The following RNF217 variants were observed in gnomAD, a reference collection of about 807,000 sequenced individuals.
RNF217 encodes the protein ring finger protein 217, also known as E3 ubiquitin-protein ligase RNF217.
In RNF217, 31 loss-of-function variants were observed where a neutral mutation model predicts 57.8. That is an observed-to-expected ratio of 0.54 (90% confidence interval 0.40 to 0.72). The LOEUF is 0.72. RNF217 is among the 30% of genes least tolerant of loss of function. RNF217 has a pLI of 0.00. For synonymous variants in RNF217, 313 were observed against 294.0 expected (o/e 1.06, Z -0.66); for missense variants, 696 against 708.3 (o/e 0.98, Z 0.20).
chr6:125,017,418 T>C (rs11154285), intron 1 of RNF217, among the ~76,000 whole-genome samples: 130,177 of 152,142 alleles, frequency 0.86, 57,696 homozygotes, highest in Non-Finnish European at 0.98. Flanking sequence ...CTGTTCCTTC[T>C]CCATCTTTGG....
Position 124,996,453 on chromosome 6 carries a change from T to A in RNF217, c.882+33027T>A, listed in dbSNP as rs963000058. 4.0e-4 allele frequency: 61 copies of A among 152,188 alleles called. 1 individual carries two copies. The highest frequency in any genetic ancestry group is 2.9e-5 in the Non-Finnish European group (2 of 68,036). The allele number at this position is 152,188 out of a possible 1,614,324, so 9.4% of individuals were successfully genotyped here. A position where few individuals can be genotyped will look rare whatever the true frequency, so the allele number is the denominator to read the frequency against. ...ACCCTCAATACTAATCTTTTGTTAG[T>A]TAAATGTGTGTTGTGGATATCTTCT... On this transcript the variant is annotated intron_variant, in intron 1 of 5. Coordinates refer to ENST00000521654, the MANE Select transcript of RNF217 (RefSeq NM_001286398.3).
At chr6:125,041,734 ATCTGTCTTGT>A (rs1257501667) in intron 1 of RNF217, among the ~76,000 whole-genome samples, 2 of 151,980 alleles carry the variant, frequency 1.3e-5, no homozygotes, top group Non-Finnish European at 2.9e-5. Context: ...ACAGGTTACA[ATCTGTCTTGT>A]TTATTTGCTT....
chr6:125,000,272 G>A (rs1784924883), intron 1 of RNF217, among the ~76,000 whole-genome samples: 1 of 151,854 alleles, frequency 6.6e-6, no homozygotes, highest in South Asian at 2.1e-4. Flanking sequence ...TCTGTTGAAT[G>A]GTATTATAAC....
chr6:125,037,496 A>G (rs1209617817), intron 1 of RNF217, among the ~76,000 whole-genome samples: 1 of 152,108 alleles, frequency 6.6e-6, no homozygotes, highest in Admixed American at 6.6e-5. Flanking sequence ...AGATTTCTGG[A>G]ATTTTTGGCT....
intron 1 of RNF217, 56 bp from the exon 2 acceptor site, chr6:125,045,153 AAT>A: frequency 8.7e-7 from 1 of 1,151,300 alleles, no homozygotes. Context: ...CAAAAAAAAA[AAT>A]GAAAGAAAAT....
At chr6:124,981,172 A>T (rs1458889792) in intron 1 of RNF217, among the ~76,000 whole-genome samples, 3 of 152,232 alleles carry the variant, frequency 2.0e-5, no homozygotes, top group Non-Finnish European at 4.4e-5. Context: ...TAAAGTAATT[A>T]AAAAATTTGA....
At chr6:125,034,773 T>C (rs2114487007) in intron 1 of RNF217, among the ~76,000 whole-genome samples, 1 of 152,238 alleles carries the variant, frequency 6.6e-6, no homozygotes, top group South Asian at 2.1e-4. Flanking sequence ...ACTGAATCTA[T>C]AAATTACCTT....
Position 125,091,863 on chromosome 6 carries a change from G to A in RNF217, c.*8926G>A, listed in dbSNP as rs1387737355. ...AGTGAGCTTTATCAACATCAACCCT[G>A]TTTATATAATATGTTATTTTGCTCT... On this transcript the variant is annotated 3_prime_UTR_variant, in exon 6 of 6. Coordinates refer to ENST00000521654, the MANE Select transcript of RNF217 (RefSeq NM_001286398.3). 1 of 152,002 alleles carries A rather than the reference G, an allele frequency of 6.6e-6. No homozygotes were observed. Among genetic ancestry groups the A allele is most frequent in the Non-Finnish European group, 1.5e-5 (1 of 67,982 alleles). 9.4% of individuals were successfully genotyped at this position (152,002 alleles called of 1,614,324 possible).
intron 3 of RNF217, among the ~76,000 whole-genome samples, chr6:125,074,270 TTAGG>T (rs1182587728): frequency 6.6e-6 from 1 of 151,518 alleles, no homozygotes; most frequent in East Asian, 1.9e-4. Flanking sequence ...AACTCTCCAG[TTAGG>T]TAGGTCGGTA....
At chr6:125,023,371 C>G (rs1785923190) in intron 1 of RNF217, among the ~76,000 whole-genome samples, 1 of 152,134 alleles carries the variant, frequency 6.6e-6, no homozygotes, top group African/African-American at 2.4e-5. Flanking sequence ...TTATCCTGAA[C>G]ACAAGGGCAT....
chr6:124,989,764 C>G (rs1784487779), intron 1 of RNF217, among the ~76,000 whole-genome samples: 1 of 151,764 alleles, frequency 6.6e-6, no homozygotes, highest in African/African-American at 2.4e-5. Flanking sequence ...AGATGTGGCC[C>G]ATGGACCAAA....
At chr6:125,006,885 G>T (rs1785201255) in intron 1 of RNF217, among the ~76,000 whole-genome samples, 1 of 152,224 alleles carries the variant, frequency 6.6e-6, no homozygotes, top group Non-Finnish European at 1.5e-5. Flanking sequence ...GGAGGCAGAG[G>T]TTGCAATGAG....
At chr6:124,980,172 T>G (rs1562450311) in intron 1 of RNF217, among the ~76,000 whole-genome samples, 1 of 152,188 alleles carries the variant, frequency 6.6e-6, no homozygotes, top group Non-Finnish European at 1.5e-5. Flanking sequence ...ATGTAAAAAG[T>G]CACTGGCCAA....
intron 2 of RNF217, among the ~76,000 whole-genome samples, chr6:125,051,862 A>G (rs540485459): frequency 6.6e-6 from 1 of 152,154 alleles, no homozygotes; most frequent in South Asian, 2.1e-4. Context: ...ACTTTGGGCT[A>G]TGCAAATCAG....
intron 1 of RNF217, among the ~76,000 whole-genome samples, chr6:124,985,218 A>G (rs1784329862): frequency 6.6e-6 from 1 of 152,214 alleles, no homozygotes; most frequent in South Asian, 2.1e-4. Context: ...GTTCCCAGAA[A>G]AACTCCTGCA....
intron 1 of RNF217, among the ~76,000 whole-genome samples, chr6:124,989,880 C>A (rs916934817): frequency 6.7e-5 from 10 of 148,628 alleles, no homozygotes; most frequent in Non-Finnish European, 1.2e-4. Flanking sequence ...AAAAAAAACA[C>A]CAACAAAATA....
Position 124,963,335 on chromosome 6 carries a change from G to T in RNF217, c.791G>T (p.Arg264Leu), listed in dbSNP as rs1332090326. 4.8e-5 allele frequency: 74 copies of T among 1,534,534 alleles called. No individual in the cohort carries two copies. Among genetic ancestry groups the T allele is most frequent in the Non-Finnish European group, 6.3e-5 (72 of 1,146,068 alleles). ...PYVPLMVLMC[R>L]VCLEDKPIKP... ...GTGCCCCTCATGGTGCTGATGTGCC[G>T]GGTGTGCCTGGAAGACAAGCCCATC... Residue 264 changes from arginine (R) to leucine (L), a missense_variant, in exon 1 of 6, where the codon CGG (arginine) becomes CTG (leucine). This residue lies in a region of RNF217 where 465 missense variants were observed against 386.8 expected (regional missense o/e 1.20). Coordinates refer to ENST00000521654, the MANE Select transcript of RNF217 (RefSeq NM_001286398.3).
intron 1 of RNF217, among the ~76,000 whole-genome samples, chr6:124,969,999 T>C (rs1330903880): frequency 6.6e-6 from 1 of 152,140 alleles, no homozygotes; most frequent in African/African-American, 2.4e-5. Flanking sequence ...GATAGAAGCA[T>C]ACGTGTGAGT....
chr6:124,997,007 T>C (rs886094154), intron 1 of RNF217, among the ~76,000 whole-genome samples: 1 of 151,748 alleles, frequency 6.6e-6, no homozygotes, highest in African/African-American at 2.4e-5. Context: ...GACTTGTTTG[T>C]AGCACTCCTG....
Sources: allele counts gnomAD v4.1 joint callset (sites outside exome capture counted in the v4.1 genomes callset), GRCh38; gene constraint gnomAD v4.1.1; regional missense constraint gnomAD v4.1.1; transcripts MANE v1.5; gene names NCBI Gene and HGNC (gene_info 2026-07-23, HGNC 2026-07-21).